SBF2: variants seen among roughly 807,000 people sequenced by gnomAD.
The protein encoded by SBF2 is myotubularin-related protein 13.
Under a neutral mutation model 225.2 loss-of-function variants are expected in SBF2, and 112 were observed. The observed-to-expected ratio is 0.50, with a 90% CI of 0.43 to 0.58. The LOEUF (loss-of-function observed/expected upper bound fraction) is 0.58, where lower values mean the gene tolerates loss of function less well. SBF2 is among the 20% of genes least tolerant of loss of function. The pLI is 0.00. For missense variants in SBF2, 1,996 were observed against 2,206.2 expected (o/e 0.90, Z 1.91); for synonymous variants, 763 against 773.3 (o/e 0.99, Z 0.22).
intron 17 of SBF2, among the ~76,000 whole-genome samples, chr11:9,871,470 C>CTTATTATTG (rs1554934601): frequency 7.3e-6 from 1 of 136,944 alleles, no homozygotes; most frequent in Middle Eastern, 3.3e-3. Flanking sequence ...CAGGATGACG[C>CTTATTATTG]TTATTATTAT....
intron 19 of SBF2, among the ~76,000 whole-genome samples, chr11:9,855,560 T>C (rs1857257859): frequency 6.6e-6 from 1 of 152,232 alleles, no homozygotes; most frequent in Non-Finnish European, 1.5e-5. Context: ...GATAAGTTCA[T>C]TTATTCACTC....
chr11:10,099,883 C>A (rs1257378044), intron 2 of SBF2, among the ~76,000 whole-genome samples: 1 of 151,592 alleles, frequency 6.6e-6, no homozygotes, highest in Non-Finnish European at 1.5e-5. Context: ...TCAAAGTATG[C>A]CACTATAAAA....
At chr11:10,192,709 T>G (rs1957221288) in intron 2 of SBF2, among the ~76,000 whole-genome samples, 1 of 152,128 alleles carries the variant, frequency 6.6e-6, no homozygotes, top group Admixed American at 6.5e-5. Context: ...TTGTCAAAAG[T>G]CATACCACGC....
At chr11:9,781,729 C>G in intron 38 of SBF2, 91 bp from the exon 39 acceptor site, 1 of 1,456,626 alleles carries the variant, frequency 6.9e-7, no homozygotes, top group Non-Finnish European at 9.6e-7. Context: ...TTCCTCTGTA[C>G]CTTGGTTATA....
intron 16 of SBF2, among the ~76,000 whole-genome samples, chr11:9,911,911 T>A (rs1181843921): frequency 1.6e-4 from 25 of 152,388 alleles, no homozygotes; most frequent in Non-Finnish European, 1.2e-4. Flanking sequence ...AGGCGTGGAA[T>A]ACGCTAACCA....
chr11:9,910,154 T>A (rs896681767), intron 16 of SBF2, among the ~76,000 whole-genome samples: 3 of 152,088 alleles, frequency 2.0e-5, no homozygotes, highest in African/African-American at 7.2e-5. Context: ...CGTGGCCTTA[T>A]AATGATGTTT....
intron 16 of SBF2, among the ~76,000 whole-genome samples, chr11:9,939,404 C>T (rs1372718598): frequency 6.6e-6 from 1 of 152,032 alleles, no homozygotes; most frequent in African/African-American, 2.4e-5. Flanking sequence ...CCTAAACATG[C>T]ATTTAAAATA....
intron 2 of SBF2, among the ~76,000 whole-genome samples, chr11:10,128,490 A>G (rs1261066670): frequency 6.6e-6 from 1 of 152,204 alleles, no homozygotes; most frequent in Admixed American, 6.5e-5. Context: ...CAGAGATTAT[A>G]TTTTTTACAA....
At chr11:9,904,505 A>G (rs1038223129) in intron 16 of SBF2, among the ~76,000 whole-genome samples, 3 of 152,230 alleles carry the variant, frequency 2.0e-5, no homozygotes, top group African/African-American at 7.2e-5. Context: ...CAATCATGCT[A>G]AAATATTTTA....
At position 10,242,241 on chromosome 11, in the gene SBF2, A is replaced by G. The variant is rs542306772; in HGVS notation, c.56-48254T>C. ...ACATAGAGTGTGTGGCAAAGGCATT[A>G]TAAGTGTATAGTTTTTATATGCAAT... On this transcript the variant is annotated intron_variant, in intron 1 of 39. Coordinates refer to ENST00000256190, the MANE Select transcript of SBF2 (RefSeq NM_030962.4). Among the ~76,000 whole-genome samples, 7 of 152,248 alleles carry G rather than the reference A, an allele frequency of 4.6e-5. No homozygotes were observed. In the East Asian group the frequency reaches 7.8e-4, roughly 17 times the overall value.
chr11:10,132,163 G>A (rs1164759068), intron 2 of SBF2, among the ~76,000 whole-genome samples: 2 of 152,108 alleles, frequency 1.3e-5, no homozygotes, highest in African/African-American at 2.4e-5. Flanking sequence ...CAAAAGCCAG[G>A]TGGCTGTAAT....
At chr11:10,039,495 C>A (rs1949569549) in intron 3 of SBF2, among the ~76,000 whole-genome samples, 1 of 151,894 alleles carries the variant, frequency 6.6e-6, no homozygotes, top group South Asian at 2.1e-4. Context: ...TTCTCACAAC[C>A]TATCCGCATT....
At position 10,160,638 on chromosome 11, in the gene SBF2, T is replaced by C. The variant is rs374869215; in HGVS notation, c.141+33264A>G. 5.9e-5 allele frequency among the ~76,000 whole-genome samples: 9 copies of C among 152,324 alleles called. No homozygotes were observed. The East Asian group carries it at 1.3e-3, about 23-fold the overall frequency. On this transcript the variant is annotated intron_variant, in intron 2 of 39. Transcript: ENST00000256190. ...TATTTTGGAGATTGTCCTTAAAAACTGTGCTTCCTTTTTCATGAGAGAGAG... is the reference window on the plus strand; with the variant it reads ...TATTTTGGAGATTGTCCTTAAAAACCGTGCTTCCTTTTTCATGAGAGAGAG...
At chr11:9,947,381 G>C (rs540676345) in intron 16 of SBF2, among the ~76,000 whole-genome samples, 1 of 152,330 alleles carries the variant, frequency 6.6e-6, no homozygotes, top group East Asian at 1.9e-4. Flanking sequence ...CTGCAGTGCT[G>C]AGATGTCTAA....
At chr11:10,066,739 GTATTCAACTTTGTGCTCCAGGTTC>G (rs1310829663) in intron 2 of SBF2, among the ~76,000 whole-genome samples, 3 of 152,024 alleles carry the variant, frequency 2.0e-5, no homozygotes. Flanking sequence ...ATCACCACTT[GTATTCAACTTTGTGCTCCAGGTTC>G]TAGCCTGGGC....
rs771442804 is a variant in SBF2, at chr11:9,839,678, A to G, written c.3275T>C (p.Leu1092Pro). 3 of 1,613,416 alleles carry G rather than the reference A, an allele frequency of 1.9e-6. No individual in the cohort carries two copies. The highest frequency in any genetic ancestry group is 2.2e-5 in the South Asian group (2 of 91,034). Reference sequence around the variant, plus strand: ...GGCCTTCAGGGTGGTACTTGTGGGGAGCTCACTCTCATCTGAAACTGTGAT... The same window carrying G: ...GGCCTTCAGGGTGGTACTTGTGGGGGGCTCACTCTCATCTGAAACTGTGAT... ...DDVSVSDESELPTSTTLKASE... is the reference protein window; with the variant it reads ...DDVSVSDESEPPTSTTLKASE... The change falls in exon 26 of 40, where the codon CTC becomes CCC. Residue 1092 changes from leucine (L) to proline (P), a missense_variant. Leu to Pro is a moderately conservative substitution (Grantham distance 98). Coordinates refer to ENST00000256190, the MANE Select transcript of SBF2 (RefSeq NM_030962.4).
intron 1 of SBF2, among the ~76,000 whole-genome samples, chr11:10,290,745 G>A (rs914169114): frequency 6.6e-6 from 1 of 152,148 alleles, no homozygotes. Context: ...GGAGGTATCA[G>A]TATGAATTCA....
intron 1 of SBF2, among the ~76,000 whole-genome samples, chr11:10,256,109 G>A (rs1442240662): frequency 6.6e-6 from 1 of 152,140 alleles, no homozygotes; most frequent in Non-Finnish European, 1.5e-5. Context: ...AAGAAAATGT[G>A]GGGGAATATG....
intron 6 of SBF2, among the ~76,000 whole-genome samples, chr11:10,018,363 C>T (rs1336015867): frequency 6.6e-6 from 1 of 151,790 alleles, no homozygotes; most frequent in Non-Finnish European, 1.5e-5. Flanking sequence ...TCAAATGTTA[C>T]AGAGCACAGG....
Sources: allele counts gnomAD v4.1 joint callset (sites outside exome capture counted in the v4.1 genomes callset), GRCh38; gene constraint gnomAD v4.1.1; transcripts MANE v1.5; gene names NCBI Gene and HGNC (gene_info 2026-07-23, HGNC 2026-07-21).